IQCJ: variants seen among roughly 807,000 people sequenced by gnomAD.
The protein encoded by IQCJ is IQ motif containing J.
IQCJ carries 9 observed loss-of-function variants against 11.0 expected under a neutral mutation model. The ratio of observed to expected loss-of-function variants is 0.82; its 90% CI spans 0.49 to 1.43. IQCJ has a LOEUF of 1.43. Among genes scored for constraint, IQCJ ranks in the 40% most tolerant of loss-of-function variants. The pLI, the probability that IQCJ is intolerant of heterozygous loss-of-function variation, is 0.00. For missense variants in IQCJ, 146 were observed against 133.2 expected (o/e 1.10, Z -0.47); for synonymous variants, 55 against 51.3 (o/e 1.07, Z -0.31).
chr3:159,219,867 C>T (rs945363564), intron 1 of IQCJ, among the ~76,000 whole-genome samples: 2 of 152,112 alleles, frequency 1.3e-5, no homozygotes, highest in South Asian at 2.1e-4. Flanking sequence ...GTGTCAGTCC[C>T]ACCGGACAAG....
chr3:159,090,239 CAGGGGTCA>C (rs1451279391), intron 1 of IQCJ, among the ~76,000 whole-genome samples: 3 of 151,514 alleles, frequency 2.0e-5, no homozygotes, highest in African/African-American at 7.3e-5. Flanking sequence ...CTCGGGGGGT[CAGGGGTCA>C]GGGGTCAGGG....
intron 1 of IQCJ, among the ~76,000 whole-genome samples, chr3:159,215,037 A>G (rs1381883521): frequency 2.0e-5 from 3 of 152,184 alleles, no homozygotes; most frequent in African/African-American, 4.8e-5. Flanking sequence ...GGACCCCTAT[A>G]GTAAAGACAG....
At chr3:159,183,182 A>C (rs959478445) in intron 1 of IQCJ, among the ~76,000 whole-genome samples, 1 of 152,178 alleles carries the variant, frequency 6.6e-6, no homozygotes, top group Admixed American at 6.5e-5. Flanking sequence ...GGTGGTTCAG[A>C]GTTAGAAAAG....
intron 1 of IQCJ, among the ~76,000 whole-genome samples, chr3:159,152,272 G>C (rs1174884252): frequency 1.3e-5 from 2 of 152,196 alleles, no homozygotes; most frequent in Non-Finnish European, 2.9e-5. Flanking sequence ...TGTGGCATCA[G>C]GGGGAGTTTC....
At chr3:159,094,552 C>A (rs2108089776) in intron 1 of IQCJ, among the ~76,000 whole-genome samples, 1 of 150,030 alleles carries the variant, frequency 6.7e-6, no homozygotes, top group East Asian at 2.0e-4. Flanking sequence ...CCCTACCTTA[C>A]ACGATTCCAT....
At chr3:159,130,108 A>G (rs73027658) in intron 1 of IQCJ, among the ~76,000 whole-genome samples, 215 of 152,202 alleles carry the variant, frequency 1.4e-3, no homozygotes, top group African/African-American at 4.5e-3. Context: ...ACCTCTGGGA[A>G]CCTCTAATCT....
At chr3:159,138,740 G>A (rs1295807045) in intron 1 of IQCJ, among the ~76,000 whole-genome samples, 1 of 152,026 alleles carries the variant, frequency 6.6e-6, no homozygotes, top group African/African-American at 2.4e-5. Context: ...TTTCACTCTT[G>A]GTATCTGAGC....
chr3:159,122,826 GTAAA>G (rs1198318139), intron 1 of IQCJ, among the ~76,000 whole-genome samples: 4 of 152,168 alleles, frequency 2.6e-5, no homozygotes, highest in African/African-American at 9.7e-5. Context: ...CACTTTGGAA[GTAAA>G]TAAATAAGCT....
chr3:159,150,786 GT>G (rs1189748548), intron 1 of IQCJ, among the ~76,000 whole-genome samples: 1 of 152,130 alleles, frequency 6.6e-6, no homozygotes, highest in African/African-American at 2.4e-5. Flanking sequence ...CCCATCCTGA[GT>G]TTTGATTTCC....
chr3:159,116,047 T>C (rs1577018400), intron 1 of IQCJ, among the ~76,000 whole-genome samples: 3 of 152,212 alleles, frequency 2.0e-5, no homozygotes, highest in Admixed American at 2.0e-4. Flanking sequence ...TCTGCACATG[T>C]ACCCCAGAAC....
chr3:159,131,436 T>G (rs1028059605), intron 1 of IQCJ, among the ~76,000 whole-genome samples: 1 of 152,094 alleles, frequency 6.6e-6, no homozygotes, highest in African/African-American at 2.4e-5. Context: ...ATGAGAGGCA[T>G]TGGCAAATCA....
chr3:159,137,318 C>G (rs114590810), intron 1 of IQCJ, among the ~76,000 whole-genome samples: 1 of 151,346 alleles, frequency 6.6e-6, no homozygotes, highest in Non-Finnish European at 1.5e-5. Flanking sequence ...ACATGATTCA[C>G]ATTTACTTAT....
At chr3:159,106,995 T>A (rs1224292115) in intron 1 of IQCJ, among the ~76,000 whole-genome samples, 1 of 152,250 alleles carries the variant, frequency 6.6e-6, no homozygotes, top group African/African-American at 2.4e-5. Context: ...AGGATTACTT[T>A]TGTGAAGTCA....
chr3:159,257,486 G>A (rs1049648745), intron 3 of IQCJ, among the ~76,000 whole-genome samples: 1 of 152,158 alleles, frequency 6.6e-6, no homozygotes, highest in Admixed American at 6.5e-5. Flanking sequence ...AGAGCCAAGA[G>A]AGCATAGGCC....
intron 1 of IQCJ, among the ~76,000 whole-genome samples, chr3:159,202,631 A>G (rs1257277315): frequency 3.3e-5 from 5 of 152,144 alleles, no homozygotes; most frequent in African/African-American, 9.7e-5. Flanking sequence ...GGAATGTTCT[A>G]TAGTGGCAAG....
intron 1 of IQCJ, among the ~76,000 whole-genome samples, chr3:159,168,990 T>TGAC: frequency 6.6e-6 from 1 of 151,914 alleles, no homozygotes; most frequent in South Asian, 2.1e-4. Context: ...ATGATGATGA[T>TGAC]GATGATGATA....
chr3:159,202,747 C>T (rs1021954728), intron 1 of IQCJ, among the ~76,000 whole-genome samples: 14 of 152,218 alleles, frequency 9.2e-5, no homozygotes, highest in Non-Finnish European at 2.1e-4. Flanking sequence ...ATCCTCCCAC[C>T]TTGCCTCAGC....
In IQCJ at chr3:159,263,077, G is replaced by A. The variant is rs911896533; in HGVS notation, c.*346G>A. 4.0e-6 allele frequency: 4 copies of A among 997,982 alleles called. No individual in the cohort carries two copies. Among genetic ancestry groups the A allele is most frequent in the Non-Finnish European group, 4.8e-6 (4 of 837,436 alleles). 61.8% of individuals were successfully genotyped at this position (997,982 alleles called of 1,614,324 possible). On this transcript the variant is annotated 3_prime_UTR_variant, in exon 4 of 4. Transcript: ENST00000397832. ...AGTAGAAAGAGAACTTTTACCAGAAGAATTGAAAGTGGTCACACACTCAGG... is the reference window on the plus strand; with the variant it reads ...AGTAGAAAGAGAACTTTTACCAGAAAAATTGAAAGTGGTCACACACTCAGG...
chr3:159,232,484 T>C (rs1042949878), intron 1 of IQCJ, among the ~76,000 whole-genome samples: 23 of 132,706 alleles, frequency 1.7e-4, no homozygotes, highest in African/African-American at 6.8e-4. Flanking sequence ...TGAGATGGAG[T>C]CTCCCTGTGT....
Sources: allele counts gnomAD v4.1 joint callset (sites outside exome capture counted in the v4.1 genomes callset), GRCh38; gene constraint gnomAD v4.1.1; transcripts MANE v1.5; gene names NCBI Gene and HGNC (gene_info 2026-07-23, HGNC 2026-07-21).